The following ARFIP1 variants were observed in gnomAD, a reference collection of about 807,000 sequenced individuals.
The protein encoded by ARFIP1 is ARF interacting protein 1.
In ARFIP1, 24 loss-of-function variants were observed where a neutral mutation model predicts 42.5. The ratio of observed to expected loss-of-function variants is 0.57; its 90% CI spans 0.41 to 0.80. ARFIP1 has a LOEUF of 0.80. Among genes scored for constraint, ARFIP1 ranks in the 30% least tolerant of loss-of-function variants. ARFIP1 has a pLI of 0.00. For synonymous variants in ARFIP1, 141 were observed against 153.7 expected (o/e 0.92, Z 0.61); for missense variants, 354 against 434.0 (o/e 0.82, Z 1.64).
chr4:152,836,547 C>T (rs1183645425), intron 2 of ARFIP1, among the ~76,000 whole-genome samples: 1 of 152,016 alleles, frequency 6.6e-6, no homozygotes, highest in Non-Finnish European at 1.5e-5. Flanking sequence ...TTTGGTCTGA[C>T]CTTGAAGCAA....
At chr4:152,849,411 A>G (rs1409195136) in intron 2 of ARFIP1, among the ~76,000 whole-genome samples, 1 of 152,098 alleles carries the variant, frequency 6.6e-6, no homozygotes, top group East Asian at 1.9e-4. Context: ...TGTCGTTTTT[A>G]AATTTTTTGA....
intron 4 of ARFIP1, among the ~76,000 whole-genome samples, chr4:152,871,798 G>T (rs1734904836): frequency 6.6e-6 from 1 of 151,996 alleles, no homozygotes; most frequent in South Asian, 2.1e-4. Context: ...TACATTGTCA[G>T]GAATTTACAC....
Position 152,796,009 on chromosome 4 carries a change from T to C in ARFIP1, c.-10+15783T>C, listed in dbSNP as rs1039752280. 14 of 615,398 alleles carry C rather than the reference T, an allele frequency of 2.3e-5. No individual in the cohort carries two copies. The Middle Eastern group carries it at 1.4e-3, about 62-fold the overall frequency. The allele number at this position is 615,398 out of a possible 1,614,324, so 38.1% of individuals were successfully genotyped here. A position where few individuals can be genotyped will look rare whatever the true frequency, so the allele number is the denominator to read the frequency against. The stretch of plus-strand genomic sequence containing the variant: ...GTAGTACTCAGAAACATTACAGTAA[T>C]GGTAGTTTTTTCAGTTGGTGTGTAG... On this transcript the variant is annotated intron_variant, in intron 1 of 8. Transcript: ENST00000353617.
At chr4:152,904,198 AT>A (rs36092561) in intron 8 of ARFIP1, among the ~76,000 whole-genome samples, 4,885 of 126,386 alleles carry the variant, frequency 0.039, 86 homozygotes, top group Non-Finnish European at 0.049. Context: ...ATATATATAT[AT>A]TTTTTTTTTT....
At chr4:152,866,622 C>T (rs35229318) in intron 3 of ARFIP1, among the ~76,000 whole-genome samples, 2 of 151,592 alleles carry the variant, frequency 1.3e-5, no homozygotes, top group Non-Finnish European at 2.9e-5. Context: ...GACGGGGCGG[C>T]TGTCCTGGTG....
intron 2 of ARFIP1, among the ~76,000 whole-genome samples, chr4:152,862,174 A>G (rs1218799971): frequency 6.6e-6 from 1 of 152,168 alleles, no homozygotes; most frequent in Non-Finnish European, 1.5e-5. Context: ...ATGACTGCCC[A>G]GTGCTACCCA....
chr4:152,897,552 G>T (rs1194551423), intron 8 of ARFIP1, among the ~76,000 whole-genome samples: 1 of 152,086 alleles, frequency 6.6e-6, no homozygotes, highest in East Asian at 1.9e-4. Flanking sequence ...TTCTTATTCT[G>T]CTGTATATGT....
intron 2 of ARFIP1, among the ~76,000 whole-genome samples, chr4:152,851,611 C>T (rs543873184): frequency 5.9e-5 from 9 of 152,254 alleles, no homozygotes; most frequent in South Asian, 2.1e-4. Flanking sequence ...GGGAGTGTCT[C>T]AGTTGGGTTC....
intron 1 of ARFIP1, among the ~76,000 whole-genome samples, chr4:152,828,420 A>G (rs940087163): frequency 6.6e-6 from 1 of 152,192 alleles, no homozygotes; most frequent in African/African-American, 2.4e-5. Context: ...ATTTTGTTAT[A>G]GTATCTCATT....
intron 1 of ARFIP1, among the ~76,000 whole-genome samples, chr4:152,786,544 C>G (rs1464957506): frequency 6.6e-6 from 1 of 152,170 alleles, no homozygotes; most frequent in Non-Finnish European, 1.5e-5. Context: ...CCACTACTGC[C>G]ACTTCATCTT....
intron 3 of ARFIP1, among the ~76,000 whole-genome samples, chr4:152,865,919 G>A (rs995579306): frequency 6.6e-6 from 1 of 151,864 alleles, no homozygotes; most frequent in Non-Finnish European, 1.5e-5. Flanking sequence ...TCTCGCAGAG[G>A]GGGATTTGGC....
At chr4:152,796,685 T>C in intron 1 of ARFIP1, 1 of 886,094 alleles carries the variant, frequency 1.1e-6, no homozygotes, top group South Asian at 1.4e-5. Context: ...TGGCGCTGTT[T>C]ATGATTAAGC....
intron 1 of ARFIP1, chr4:152,807,105 G>T (rs1393732278): frequency 2.6e-5 from 4 of 151,450 alleles, no homozygotes; most frequent in African/African-American, 9.7e-5. Context: ...TGCATCAGTA[G>T]TTCATTCCTT....
chr4:152,788,606 A>AGGAG (rs1730952840), intron 1 of ARFIP1, among the ~76,000 whole-genome samples: 1 of 152,018 alleles, frequency 6.6e-6, no homozygotes, highest in Admixed American at 6.5e-5. Context: ...ACTTGAGCCC[A>AGGAG]GGAGGCGGAG....
chr4:152,882,785 T>C lies in ARFIP1; in HGVS notation c.696T>C (p.Leu232=). ...KLLAKNGETL[L]GAINFFIASV... Reference sequence around the variant, plus strand: ...TGGCTAAAAATGGAGAGACTCTTCTTGGGGCCATTAATTTTTTCATTGCTA... The same window carrying C: ...TGGCTAAAAATGGAGAGACTCTTCTCGGGGCCATTAATTTTTTCATTGCTA... The change falls in exon 7 of 9, where the codon CTT becomes CTC. Residue 232 remains leucine, a synonymous_variant. Transcript: ENST00000353617. The C allele has an allele frequency of 6.2e-7, 1 of 1,613,342 alleles. No individual in the cohort carries two copies. Among genetic ancestry groups the C allele is most frequent in the South Asian group, 1.1e-5 (1 of 90,972 alleles).
intron 1 of ARFIP1, among the ~76,000 whole-genome samples, chr4:152,828,439 A>G (rs1200136980): frequency 2.0e-5 from 3 of 152,110 alleles, no homozygotes; most frequent in Non-Finnish European, 4.4e-5. Flanking sequence ...TTATTGTTTT[A>G]ATTTGCAATT....
intron 1 of ARFIP1, among the ~76,000 whole-genome samples, chr4:152,808,011 G>C (rs772865098): frequency 3.3e-5 from 5 of 151,620 alleles, no homozygotes; most frequent in Non-Finnish European, 4.4e-5. Context: ...ACAGAGTTTC[G>C]CTGTTGTTGC....
chr4:152,817,188 AGCTGG>A (rs1290760757), intron 1 of ARFIP1, among the ~76,000 whole-genome samples: 10 of 152,322 alleles, frequency 6.6e-5, no homozygotes, highest in African/African-American at 9.6e-5. Flanking sequence ...TTATTTAGAG[AGCTGG>A]ATCTTAGTCT....
At chr4:152,780,959 T>G (rs910220252) in intron 1 of ARFIP1, among the ~76,000 whole-genome samples, 2 of 152,230 alleles carry the variant, frequency 1.3e-5, no homozygotes, top group Admixed American at 1.3e-4. Flanking sequence ...TTATACTTCC[T>G]GCAGATCCTT....
Sources: allele counts gnomAD v4.1 joint callset (sites outside exome capture counted in the v4.1 genomes callset), GRCh38; gene constraint gnomAD v4.1.1; transcripts MANE v1.5; gene names NCBI Gene and HGNC (gene_info 2026-07-23, HGNC 2026-07-21).